PARD3B: variants seen among roughly 807,000 people sequenced by gnomAD.
PARD3B encodes partitioning defective 3 homolog B.
In PARD3B, 103 loss-of-function variants were observed where a neutral mutation model predicts 130.2. The observed-to-expected ratio is 0.79, with a 90% CI of 0.67 to 0.93. The LOEUF is 0.93. PARD3B is among the 40% of genes least tolerant of loss of function. The probability of loss-of-function intolerance (pLI) is 0.00; values close to 1 mark genes in which losing one functional copy is unlikely to be tolerated. For missense variants in PARD3B, 1,609 were observed against 1,499.2 expected, an observed-to-expected ratio of 1.07 and a Z score of -1.21; for synonymous variants, 583 against 553.2, an observed-to-expected ratio of 1.05 and a Z score of -0.76.
At chr2:204,730,152 G>A (rs142543949) in intron 2 of PARD3B, among the ~76,000 whole-genome samples, 2 of 152,150 alleles carry the variant, frequency 1.3e-5, no homozygotes, top group Admixed American at 6.5e-5. Context: ...TTGGCTCACT[G>A]CAACCTTCAC....
chr2:205,548,319 C>G (rs548139092), intron 21 of PARD3B, among the ~76,000 whole-genome samples: 17 of 152,106 alleles, frequency 1.1e-4, no homozygotes, highest in Non-Finnish European at 2.1e-4. Flanking sequence ...AACCATTATA[C>G]TCAACGATCA....
intron 4 of PARD3B, among the ~76,000 whole-genome samples, chr2:205,068,022 C>T (rs1700495703): frequency 6.6e-6 from 1 of 152,142 alleles, no homozygotes; most frequent in Non-Finnish European, 1.5e-5. Context: ...GCTTTACATG[C>T]CCTACATAAG....
At chr2:205,477,289 T>C (rs2049057564) in intron 20 of PARD3B, among the ~76,000 whole-genome samples, 1 of 152,216 alleles carries the variant, frequency 6.6e-6, no homozygotes, top group Non-Finnish European at 1.5e-5. Flanking sequence ...TTACAGCAAC[T>C]CTGTGAATAT....
chr2:204,956,625 G>GA (rs1419046892), intron 2 of PARD3B, among the ~76,000 whole-genome samples: 1 of 151,942 alleles, frequency 6.6e-6, no homozygotes, highest in African/African-American at 2.4e-5. Flanking sequence ...CTTGAGATTG[G>GA]AAAAAATTAG....
intron 16 of PARD3B, among the ~76,000 whole-genome samples, chr2:205,267,111 C>T (rs780975845): frequency 1.3e-5 from 2 of 152,096 alleles, no homozygotes; most frequent in Admixed American, 1.3e-4. Context: ...CAAATGCATA[C>T]TTCGGATTTA....
chr2:204,998,462 T>TATATGTATATATATGTGTATATA (rs1694519855), intron 3 of PARD3B, among the ~76,000 whole-genome samples: 2 of 98,074 alleles, frequency 2.0e-5, no homozygotes, highest in African/African-American at 8.5e-5. Flanking sequence ...GTGTATATTA[T>TATATGTATATATATGTGTATATA]ATATGTATAT....
At chr2:204,781,481 C>T (rs1397397582) in intron 2 of PARD3B, among the ~76,000 whole-genome samples, 2 of 152,116 alleles carry the variant, frequency 1.3e-5, no homozygotes, top group Admixed American at 1.3e-4. Context: ...CCACAATTGA[C>T]TGTATCACAG....
intron 3 of PARD3B, among the ~76,000 whole-genome samples, chr2:205,029,220 G>C (rs1370392759): frequency 6.6e-6 from 1 of 152,036 alleles, no homozygotes; most frequent in Non-Finnish European, 1.5e-5. Context: ...GTCAAATACA[G>C]AACAGATTTG....
intron 15 of PARD3B, among the ~76,000 whole-genome samples, chr2:205,239,134 T>G (rs2125910300): frequency 6.6e-6 from 1 of 151,894 alleles, no homozygotes; most frequent in South Asian, 2.1e-4. Flanking sequence ...GAAAAAAGAC[T>G]CAGTAATTAA....
intron 1 of PARD3B, among the ~76,000 whole-genome samples, chr2:204,660,888 G>A (rs542653619): frequency 3.0e-4 from 46 of 152,308 alleles, no homozygotes; most frequent in African/African-American, 9.9e-4. Flanking sequence ...AACATGCAGT[G>A]TGGCTTTGTG....
At chr2:205,018,751 G>A (rs1245545731) in intron 3 of PARD3B, among the ~76,000 whole-genome samples, 187 of 40,896 alleles carry the variant, frequency 4.6e-3, no homozygotes, top group African/African-American at 7.6e-3. Context: ...AAAAAAAAAA[G>A]CACGCTGATT....
chr2:205,103,307 AT>A (rs1702939693), intron 4 of PARD3B, among the ~76,000 whole-genome samples: 1 of 144,118 alleles, frequency 6.9e-6, no homozygotes, highest in Non-Finnish European at 1.5e-5. Context: ...AAATAAACAT[AT>A]TTTATATTTA....
chr2:204,797,907 G>A (rs561477962), intron 2 of PARD3B, among the ~76,000 whole-genome samples: 20 of 152,172 alleles, frequency 1.3e-4, no homozygotes, highest in Non-Finnish European at 2.5e-4. Context: ...AAAATGCTAA[G>A]GATGCCATTT....
chr2:204,719,706 G>A (rs1223335332), intron 2 of PARD3B, among the ~76,000 whole-genome samples: 1 of 152,078 alleles, frequency 6.6e-6, no homozygotes, highest in Non-Finnish European at 1.5e-5. Context: ...TATTATTACT[G>A]ATTTAATTGT....
chr2:205,601,438 T>C (rs780853118), intron 22 of PARD3B, among the ~76,000 whole-genome samples: 3 of 152,226 alleles, frequency 2.0e-5, no homozygotes, highest in Non-Finnish European at 2.9e-5. Flanking sequence ...TTTTCTCCCA[T>C]TCTGTAGGCT....
At chr2:205,517,119 T>G (rs141502321) in intron 21 of PARD3B, among the ~76,000 whole-genome samples, 293 of 152,304 alleles carry the variant, frequency 1.9e-3, no homozygotes, top group African/African-American at 6.5e-3. Context: ...TGAAGCCTAC[T>G]TGATAATGAT....
chr2:204,776,400 A>G (rs2041622280), intron 2 of PARD3B, among the ~76,000 whole-genome samples: 1 of 152,140 alleles, frequency 6.6e-6, no homozygotes, highest in Non-Finnish European at 1.5e-5. Context: ...GAGGTGAGGT[A>G]ATAGAATAAT....
Position 205,583,517 on chromosome 2 carries a change from A to G in PARD3B, c.3260+30114A>G, listed in dbSNP as rs530474868. On this transcript the variant is annotated intron_variant, in intron 22 of 22. Transcript: ENST00000406610. ...GATGAAGAGGATGAAAGCAGCTGAT[A>G]GTCATTGACTGCTCATTGTGTGCTA... Among the ~76,000 whole-genome samples the G allele has an allele frequency of 2.0e-5, 3 of 152,298 alleles. No homozygotes were observed. In the South Asian group the frequency reaches 6.2e-4, roughly 32 times the overall value.
At chr2:204,919,693 A>G (rs949488496) in intron 2 of PARD3B, among the ~76,000 whole-genome samples, 29 of 152,214 alleles carry the variant, frequency 1.9e-4, no homozygotes, top group Admixed American at 1.9e-3. Flanking sequence ...AATGAAATCA[A>G]TATGACCTTC....
Sources: gnomAD v4.1 joint callset for allele counts (sites outside exome capture counted in the v4.1 genomes callset) on GRCh38, gnomAD v4.1.1 for gene constraint, MANE v1.5 for transcripts, NCBI Gene and HGNC (gene_info 2026-07-23, HGNC 2026-07-21) for gene names.